Variants in HAGH observed in about 807,000 individuals in gnomAD.
The protein encoded by HAGH is hydroxyacylglutathione hydrolase, mitochondrial.
A neutral mutation model predicts 35.1 loss-of-function variants in HAGH; 29 were observed. The ratio of observed to expected loss-of-function variants is 0.83; its 90% CI spans 0.62 to 1.13. The LOEUF (loss-of-function observed/expected upper bound fraction) is 1.13, where lower values mean the gene tolerates loss of function less well. HAGH is among the 50% of genes most tolerant of loss of function. The pLI is 0.00. For synonymous variants in HAGH, 225 were observed against 176.1 expected, an observed-to-expected ratio of 1.28 and a Z score of -2.20; for missense variants, 478 against 419.6, an observed-to-expected ratio of 1.14 and a Z score of -1.22.
rs944448648 is a variant in HAGH, at chr16:1,809,942, T to C, written c.748-109A>G. 10 of 776,152 alleles carry C rather than the reference T, an allele frequency of 1.3e-5. No homozygotes were observed. The African/African-American group carries it at 1.7e-4, about 13-fold the overall frequency. 48.1% of individuals were successfully genotyped at this position (776,152 alleles called of 1,614,324 possible). A position where few individuals can be genotyped will look rare whatever the true frequency, so the allele number is the denominator to read the frequency against. On this transcript the variant is annotated intron_variant, in intron 7 of 8. Coordinates refer to ENST00000397356, the MANE Select transcript of HAGH (RefSeq NM_005326.6). The stretch of plus-strand genomic sequence containing the variant: ...ACTTTGGGAGGCTAAGGCAGATGGA[T>C]CACTTGAGCCCTGGAGTTTGAGACC...
At position 1,820,055 on chromosome 16, in the gene HAGH, AG is replaced by A. The variant is rs753897687; in HGVS notation, c.315-42del. The A allele has an allele frequency of 1.1e-5, 3 of 272,472 alleles. No homozygotes were observed. In the African/African-American group the frequency reaches 2.1e-4, roughly 19 times the overall value. 16.9% of individuals were successfully genotyped at this position (272,472 alleles called of 1,614,324 possible). Reference sequence around the variant, plus strand: ...GAGACCTGGGCTGCCTGCTGAGCTGAGGGGGCTGCCTGCTGAGCTGAGGGGG... The same window carrying A: ...GAGACCTGGGCTGCCTGCTGAGCTGAGGGGCTGCCTGCTGAGCTGAGGGGG... On this transcript the variant is annotated intron_variant, in intron 3 of 8. Transcript: ENST00000397356.
At chr16:1,813,726 T>G (rs1014168651) in intron 7 of HAGH, among the ~76,000 whole-genome samples, 1 of 152,136 alleles carries the variant, frequency 6.6e-6, no homozygotes, top group South Asian at 2.1e-4. Flanking sequence ...AAAACGGAAA[T>G]GTAAAAGGCT....
Position 1,808,809 on chromosome 16 carries a change from G to C in HAGH, c.*474C>G, listed in dbSNP as rs72547280. On this transcript the variant is annotated 3_prime_UTR_variant, in exon 9 of 9. Transcript: ENST00000397356. ...AGAGGCAGGTGGGTGCTGCCGAGTA[G>C]GAGCACTGCCTGGAGGTCGCGCGAT... 2,477 of 153,960 alleles carry C rather than the reference G, an allele frequency of 0.016. 52 individuals are homozygous for C. Among genetic ancestry groups the C allele is most frequent in the South Asian group, 0.069 (336 of 4,852 alleles). The allele number at this position is 153,960 out of a possible 1,614,324, so 9.5% of individuals were successfully genotyped here.
rs545124762 is a variant in HAGH, at chr16:1,812,828, C to T, written c.748-2995G>A. ...GCGCCCTGCAGGAGGCGGCCTCTCA[C>T]CAGGGACTGGGCTCCAGCACCTCCT... On this transcript the variant is annotated intron_variant, in intron 7 of 8. Transcript: ENST00000397356. 1.6e-4 allele frequency among the ~76,000 whole-genome samples: 25 copies of T among 152,330 alleles called. No individual in the cohort carries two copies. The South Asian group carries it at 5.2e-3, about 32-fold the overall frequency.
rs12920937 is a variant in HAGH, at chr16:1,826,803, G to T, written c.-16C>A. On this transcript the variant is annotated 5_prime_UTR_variant, in exon 1 of 9. Coordinates refer to ENST00000397356, the MANE Select transcript of HAGH (RefSeq NM_005326.6). The stretch of plus-strand genomic sequence containing the variant: ...CCACCACCATGACCCGGGCCGGGCT[G>T]GACTGCCGAGCTGCCCAGGACTGCA... The T allele has an allele frequency of 0.018, 21,898 of 1,220,686 alleles. 253 individuals are homozygous for T. Among genetic ancestry groups the T allele is most frequent in the Non-Finnish European group, 0.021 (20,662 of 977,808 alleles). 75.6% of individuals were successfully genotyped at this position (1,220,686 alleles called of 1,614,324 possible).
At chr16:1,826,991 A>AGCC, upstream of HAGH, 1 of 619,920 alleles carries the variant, frequency 1.6e-6, no homozygotes, top group Non-Finnish European at 2.6e-6. Context: ...CGGGCCTGGG[A>AGCC]GCGGCGGCGG....
In HAGH at chr16:1,822,998, C is replaced by G. The variant is rs200691678; in HGVS notation, c.116G>C (p.Arg39Pro). Residue 39 changes from arginine (R) to proline (P), a missense_variant, in exon 2 of 9, where the codon CGG becomes CCG. By Grantham distance (103) the Arg-to-Pro change is moderately radical. Transcript: ENST00000397356. ...LLGVFCHTDL[R>P]KNLTVDEGTM... ...GCCCTCGTCCACGGTCAGGTTCTTC[C>G]GCAAATCTGTGTGGCAGAAAACTCC... 1.2e-6 allele frequency: 2 copies of G among 1,613,820 alleles called. No individual in the cohort carries two copies. The highest frequency in any genetic ancestry group is 2.7e-5 in the African/African-American group (2 of 74,938).
At chr16:1,815,116 A>AACCCCACTATAGTGT (rs55705942) in intron 7 of HAGH, among the ~76,000 whole-genome samples, 1 of 151,940 alleles carries the variant, frequency 6.6e-6, no homozygotes, top group Non-Finnish European at 1.5e-5. Context: ...AAAGATGGTC[A>AACCCCACTATAGTGT]CATGGGGAAA....
Position 1,809,140 on chromosome 16 carries a change from T to G in HAGH, c.*143A>C. The stretch of plus-strand genomic sequence containing the variant: ...ATACTTGTTAAACTTCTCTTATAAA[T>G]ATGCATTAGAATGTCCGATAACACA... On this transcript the variant is annotated 3_prime_UTR_variant, in exon 9 of 9. Transcript: ENST00000397356. 1 of 632,970 alleles carries G rather than the reference T, an allele frequency of 1.6e-6. No individual in the cohort carries two copies. The highest frequency in any genetic ancestry group is 2.9e-6 in the Non-Finnish European group (1 of 349,208). The allele number at this position is 632,970 out of a possible 1,614,324, so 39.2% of individuals were successfully genotyped here.
chr16:1,823,928 C>T (rs1035136699), intron 1 of HAGH, among the ~76,000 whole-genome samples: 1 of 152,042 alleles, frequency 6.6e-6, no homozygotes, highest in Non-Finnish European at 1.5e-5. Context: ...CGAACCACTG[C>T]CAGTGCTGGA....
chr16:1,827,187 C>A, upstream of HAGH: 1 of 1,561,000 alleles, frequency 6.4e-7, no homozygotes, highest in South Asian at 1.2e-5. Context: ...ATGCCGTAGG[C>A]ATCAGCTGAC....
intron 7 of HAGH, 69 bp from the exon 8 acceptor site, chr16:1,809,902 G>A (rs920538619): frequency 2.2e-5 from 25 of 1,161,342 alleles, no homozygotes; most frequent in South Asian, 1.6e-4. Flanking sequence ...GGAGGCTCAC[G>A]TCTGTGATAC....
At chr16:1,816,577 G>C (rs73485899) in intron 7 of HAGH, among the ~76,000 whole-genome samples, 13,944 of 152,270 alleles carry the variant, frequency 0.092, 783 homozygotes, top group African/African-American at 0.16. Flanking sequence ...TTTGGACACA[G>C]AGCCACGTTC....
chr16:1,817,053 G>T, intron 6 of HAGH, 59 bp from the exon 7 acceptor site: 1 of 1,393,566 alleles, frequency 7.2e-7, no homozygotes, highest in Non-Finnish European at 1.0e-6. Flanking sequence ...AAAGTCCTCA[G>T]GGACGGGACC....
At chr16:1,821,329 G>A (rs1167795405) in intron 3 of HAGH, among the ~76,000 whole-genome samples, 1 of 152,146 alleles carries the variant, frequency 6.6e-6, no homozygotes, top group Admixed American at 6.5e-5. Context: ...CCAGCACAGC[G>A]CTCCCACCAC....
intron 1 of HAGH, among the ~76,000 whole-genome samples, chr16:1,826,339 G>A (rs1898417393): frequency 1.3e-5 from 2 of 150,512 alleles, no homozygotes; most frequent in South Asian, 4.1e-4. Context: ...CAGCAGGTGC[G>A]GGGTGGGCCA....
Position 1,809,889 on chromosome 16 carries a change from C to CA in HAGH, c.748-57dup, listed in dbSNP as rs1456676576. On this transcript the variant is annotated intron_variant, in intron 7 of 8. Coordinates refer to ENST00000397356, the MANE Select transcript of HAGH (RefSeq NM_005326.6). ...GAACTTCACAGGATGGCAGACCAGGCACGGAGGCTCACGTCTGTGATACCA... is the reference window on the plus strand; with the variant it reads ...GAACTTCACAGGATGGCAGACCAGGCAACGGAGGCTCACGTCTGTGATACCA... 7 of 1,266,156 alleles carry CA rather than the reference C, an allele frequency of 5.5e-6. No individual in the cohort carries two copies. In the African/African-American group the frequency reaches 8.8e-5, roughly 16 times the overall value. 78.4% of individuals were successfully genotyped at this position (1,266,156 alleles called of 1,614,324 possible).
chr16:1,826,124 G>A (rs1898400278), intron 1 of HAGH, among the ~76,000 whole-genome samples: 1 of 152,182 alleles, frequency 6.6e-6, no homozygotes, highest in Non-Finnish European at 1.5e-5. Flanking sequence ...GGCGAGATCT[G>A]GAAACCGCCA....
At chr16:1,812,685 T>C (rs1054998481) in intron 7 of HAGH, among the ~76,000 whole-genome samples, 17 of 152,164 alleles carry the variant, frequency 1.1e-4, no homozygotes, top group African/African-American at 4.1e-4. Context: ...TAAACAAAGA[T>C]TTCTTAGATG....
Sources: gnomAD v4.1 joint callset for allele counts (sites outside exome capture counted in the v4.1 genomes callset) on GRCh38, gnomAD v4.1.1 for gene constraint, MANE v1.5 for transcripts, NCBI Gene and HGNC (gene_info 2026-07-23, HGNC 2026-07-21) for gene names.